Variants in FRAS1 observed in about 807,000 individuals in gnomAD.
FRAS1 encodes the protein extracellular matrix organizing protein FRAS1.
FRAS1 carries 290 observed loss-of-function variants against 435.2 expected under a neutral mutation model. The observed-to-expected ratio is 0.67, with a 90% CI of 0.61 to 0.73. The LOEUF (loss-of-function observed/expected upper bound fraction) is 0.73. Ranked by LOEUF, FRAS1 falls within the 30% of genes least tolerant of loss-of-function variation. FRAS1 has a pLI of 0.00. For missense variants in FRAS1, 4,860 were observed against 5,001.5 expected (o/e 0.97, Z 0.85); for synonymous variants, 1,800 against 1,851.0 (o/e 0.97, Z 0.71).
At chr4:78,069,073 G>A (rs1015820787) in intron 2 of FRAS1, among the ~76,000 whole-genome samples, 2 of 152,142 alleles carry the variant, frequency 1.3e-5, no homozygotes, top group Non-Finnish European at 2.9e-5. Context: ...TGTAAGAGGC[G>A]TCATTTTCAA....
rs567122811 is a variant in FRAS1 at position 78,272,264 on chromosome 4, C to T, written c.981+4832C>T. On this transcript the variant is annotated intron_variant, in intron 9 of 73. Transcript: ENST00000512123. The stretch of plus-strand genomic sequence containing the variant: ...AATTTTCTCTCATTCTGTAGGTTGC[C>T]TGTTCACTCTGATGGTAGTTACTTT... Among the ~76,000 whole-genome samples the T allele has an allele frequency of 3.5e-4, 53 of 152,264 alleles. No individual in the cohort carries two copies. In the South Asian group the frequency reaches 9.9e-3, roughly 29 times the overall value.
At chr4:78,105,837 C>T (rs907357405) in intron 2 of FRAS1, among the ~76,000 whole-genome samples, 14 of 148,552 alleles carry the variant, frequency 9.4e-5, no homozygotes, top group African/African-American at 1.2e-4. Context: ...TCTGAGGTAC[C>T]GGGTTCATCT....
chr4:78,537,272 C>A, intron 72 of FRAS1, 72 bp downstream of exon 72: 1 of 1,370,732 alleles, frequency 7.3e-7, no homozygotes, highest in Non-Finnish European at 1.0e-6. Flanking sequence ...TGACTTCTGC[C>A]TAAAGTAGAT....
chr4:78,373,034 G>C (rs1731578066), intron 24 of FRAS1, among the ~76,000 whole-genome samples, 176 bp downstream of exon 24: 1 of 152,046 alleles, frequency 6.6e-6, no homozygotes, highest in Non-Finnish European at 1.5e-5. Flanking sequence ...CATCTTCCAT[G>C]CCTTAATAAG....
At chr4:78,426,128 G>A (rs1429285266) in intron 35 of FRAS1, among the ~76,000 whole-genome samples, 3 of 152,182 alleles carry the variant, frequency 2.0e-5, no homozygotes, top group Non-Finnish European at 1.5e-5. Context: ...TCCACAGCAG[G>A]TAGACAGTAG....
intron 2 of FRAS1, among the ~76,000 whole-genome samples, chr4:78,170,718 G>C (rs1007705027): frequency 7.2e-5 from 11 of 152,058 alleles, no homozygotes; most frequent in African/African-American, 2.7e-4. Context: ...TGTTGTAATA[G>C]TGATAACTGA....
rs150011901 is a variant in FRAS1, at chr4:78,256,449, C to A, written c.603+1074C>A. Among the ~76,000 whole-genome samples the A allele has an allele frequency of 1.5e-4, 23 of 152,220 alleles. No individual in the cohort carries two copies. The East Asian group carries it at 4.1e-3, about 27-fold the overall frequency. On this transcript the variant is annotated intron_variant, in intron 6 of 73. Transcript: ENST00000512123. ...GATTAAGCCCATTTTGGGGCCTAGT[C>A]CCTTGGGGTAGGAAGGATAATTAAG...
chr4:78,087,280 T>TA (rs1741233209), intron 2 of FRAS1, among the ~76,000 whole-genome samples: 1 of 151,866 alleles, frequency 6.6e-6, no homozygotes, highest in South Asian at 2.1e-4. Context: ...TATCTCAAAA[T>TA]AATAAGAGCT....
At chr4:78,126,784 G>C (rs577397811) in intron 2 of FRAS1, among the ~76,000 whole-genome samples, 61 of 152,310 alleles carry the variant, frequency 4.0e-4, no homozygotes, top group African/African-American at 1.4e-3. Flanking sequence ...GACAAAGGAA[G>C]AAAGTGTTAT....
Position 78,481,788 on chromosome 4 carries a change from A to G in FRAS1, c.8444-16A>G. The G allele has an allele frequency of 6.2e-7, 1 of 1,613,688 alleles. No homozygotes were observed. The highest frequency in any genetic ancestry group is 8.5e-7 in the Non-Finnish European group (1 of 1,179,646). ...CTCAAAGTTGACCATTAAAATCTCT[A>G]TGAATCTTAATTCAGGCACAGTAAA... On this transcript the variant is annotated splice_polypyrimidine_tract_variant and intron_variant, in intron 56 of 73. Coordinates refer to ENST00000512123, the MANE Select transcript of FRAS1 (RefSeq NM_025074.7).
intron 6 of FRAS1, among the ~76,000 whole-genome samples, chr4:78,263,090 G>A (rs1373738736): frequency 6.6e-6 from 1 of 152,118 alleles, no homozygotes; most frequent in African/African-American, 2.4e-5. Context: ...GCATGTATAT[G>A]GTGGTCAGAA....
chr4:78,078,975 G>C (rs1169783023), intron 2 of FRAS1, among the ~76,000 whole-genome samples: 1 of 152,102 alleles, frequency 6.6e-6, no homozygotes, highest in African/African-American at 2.4e-5. Flanking sequence ...TTGCTTTCTG[G>C]CATTATGTAT....
chr4:78,111,611 G>T (rs1578129459), intron 2 of FRAS1, among the ~76,000 whole-genome samples: 1 of 102,750 alleles, frequency 9.7e-6, no homozygotes, highest in South Asian at 4.2e-4. Flanking sequence ...GTGGGGTCGG[G>T]GGAGGGGGGA....
At position 78,522,743 on chromosome 4, in the gene FRAS1, A is replaced by G. The variant is rs886059644; in HGVS notation, c.10743A>G (p.Leu3581=). 3 of 1,612,550 alleles carry G rather than the reference A, an allele frequency of 1.9e-6. No homozygotes were observed. The highest frequency in any genetic ancestry group is 1.7e-4 in the Middle Eastern group (1 of 6,050). Reference sequence around the variant, plus strand: ...GAGGAATTGAATTTGACTTGCAGCTATTATGGAGCGCTCAGACTTTTGATT... The same window carrying G: ...GAGGAATTGAATTTGACTTGCAGCTGTTATGGAGCGCTCAGACTTTTGATT... ...HLGGIEFDLQ[L]LWSAQTFDSP... Residue 3581 remains leucine, a synonymous_variant, in exon 69 of 74, where the codon CTA becomes CTG. Transcript: ENST00000512123.
intron 2 of FRAS1, among the ~76,000 whole-genome samples, chr4:78,179,123 T>C (rs1157489435): frequency 6.6e-6 from 1 of 152,222 alleles, no homozygotes; most frequent in Non-Finnish European, 1.5e-5. Flanking sequence ...TTCCTTTTGT[T>C]TCTCATTCTG....
chr4:78,421,861 A>G lies in FRAS1; in HGVS notation c.4541-2A>G. 2 of 1,613,844 alleles carry G rather than the reference A, an allele frequency of 1.2e-6. No homozygotes were observed. Among genetic ancestry groups the G allele is most frequent in the Non-Finnish European group, 1.7e-6 (2 of 1,179,774 alleles). ...TGCTGAGGCCAAATCTCTTCCTCCCAGGTATCATCGAGCACCGGGACCACC... is the reference window on the plus strand; with the variant it reads ...TGCTGAGGCCAAATCTCTTCCTCCCGGGTATCATCGAGCACCGGGACCACC... On this transcript the variant is annotated splice_acceptor_variant, in intron 33 of 73. Transcript: ENST00000512123. LOFTEE classifies it high-confidence loss of function.
intron 52 of FRAS1, among the ~76,000 whole-genome samples, chr4:78,472,643 A>G (rs574105585): frequency 6.6e-6 from 1 of 152,292 alleles, no homozygotes; most frequent in East Asian, 1.9e-4. Context: ...AACAATAACA[A>G]CAAGAAAGCA....
chr4:78,384,925 AAAAAG>A (rs1732163916), intron 28 of FRAS1, among the ~76,000 whole-genome samples: 1 of 145,640 alleles, frequency 6.9e-6, no homozygotes, highest in South Asian at 2.1e-4. Flanking sequence ...AAAAAAAAAA[AAAAAG>A]ACTGTCTTTA....
In FRAS1 at chr4:78,519,740, G is replaced by A. The variant is rs567442309; in HGVS notation, c.10540+259G>A. On this transcript the variant is annotated intron_variant, in intron 67 of 73. Transcript: ENST00000512123. ...GTGACAAATGAGTCCTCTACTGCCC[G>A]TTAGGGATTCAGATGGGTGTGTGTT... Among the ~76,000 whole-genome samples the A allele has an allele frequency of 2.0e-4, 31 of 152,296 alleles. No individual in the cohort carries two copies. In the South Asian group the frequency reaches 4.4e-3, roughly 21 times the overall value.
Sources: gnomAD v4.1 joint callset for allele counts (sites outside exome capture counted in the v4.1 genomes callset) on GRCh38, gnomAD v4.1.1 for gene constraint, MANE v1.5 for transcripts, NCBI Gene and HGNC (gene_info 2026-07-23, HGNC 2026-07-21) for gene names.